Variants in LRMDA observed in about 807,000 individuals in gnomAD.
LRMDA encodes the protein leucine-rich melanocyte differentiation-associated protein.
LRMDA carries 18 observed loss-of-function variants against 29.8 expected under a neutral mutation model. The observed-to-expected ratio is 0.60, with a 90% CI of 0.42 to 0.90. The LOEUF is 0.90. Ranked by LOEUF, LRMDA falls within the 40% of genes least tolerant of loss-of-function variation. The probability of loss-of-function intolerance (pLI) is 0.00; values close to 1 mark genes in which losing one functional copy is unlikely to be tolerated. For missense variants in LRMDA, 273 were observed against 273.9 expected, an observed-to-expected ratio of 1.00 and a Z score of 0.02; for synonymous variants, 125 against 109.4, an observed-to-expected ratio of 1.14 and a Z score of -0.89.
chr10:76,284,719 C>T (rs1451227775), intron 5 of LRMDA, among the ~76,000 whole-genome samples: 2 of 152,110 alleles, frequency 1.3e-5, no homozygotes, highest in African/African-American at 2.4e-5. Flanking sequence ...CCATAATCCC[C>T]AGGTGTTGTG....
chr10:76,019,170 G>A (rs1321732659), intron 2 of LRMDA, among the ~76,000 whole-genome samples: 4 of 152,176 alleles, frequency 2.6e-5, no homozygotes, highest in Non-Finnish European at 5.9e-5. Context: ...TTTGTGGACA[G>A]CACAAATGCT....
chr10:75,632,831 G>A (rs1841343972), intron 2 of LRMDA, among the ~76,000 whole-genome samples: 1 of 111,610 alleles, frequency 9.0e-6, no homozygotes, highest in Admixed American at 1.3e-4. Flanking sequence ...TTCCCCCAGT[G>A]TTCAGAGCCA....
chr10:76,367,876 C>G (rs550636797), intron 6 of LRMDA, among the ~76,000 whole-genome samples: 2 of 151,982 alleles, frequency 1.3e-5, no homozygotes, highest in African/African-American at 4.8e-5. Context: ...GTAGGTTTTC[C>G]TTTATGTACA....
intron 6 of LRMDA, among the ~76,000 whole-genome samples, chr10:76,333,398 C>A (rs1483634663): frequency 6.6e-6 from 1 of 152,124 alleles, no homozygotes; most frequent in Non-Finnish European, 1.5e-5. Context: ...GTCTTAGAAG[C>A]CTTAGATTTC....
chr10:76,511,255 G>T (rs1843007049), intron 6 of LRMDA, among the ~76,000 whole-genome samples: 1 of 152,162 alleles, frequency 6.6e-6, no homozygotes, highest in African/African-American at 2.4e-5. Context: ...GGCACAAGTG[G>T]CTTTGGTTTC....
At chr10:76,320,428 A>G (rs560153350) in intron 5 of LRMDA, among the ~76,000 whole-genome samples, 44 of 152,248 alleles carry the variant, frequency 2.9e-4, no homozygotes, top group African/African-American at 1.0e-3. Flanking sequence ...TCTATTCTAG[A>G]GCTCACTCTC....
At chr10:76,380,436 G>A (rs1308487696) in intron 6 of LRMDA, among the ~76,000 whole-genome samples, 3 of 151,994 alleles carry the variant, frequency 2.0e-5, no homozygotes, top group East Asian at 3.9e-4. Context: ...TTGGGAGGCC[G>A]AGGCAGGCGG....
chr10:75,943,430 T>C (rs966481965), intron 2 of LRMDA, among the ~76,000 whole-genome samples: 12 of 152,166 alleles, frequency 7.9e-5, no homozygotes, highest in African/African-American at 2.2e-4. Flanking sequence ...ATCTAAAAGG[T>C]ACACAGCCAG....
chr10:76,111,822 A>G (rs1299233094), intron 5 of LRMDA, among the ~76,000 whole-genome samples: 1 of 151,578 alleles, frequency 6.6e-6, no homozygotes, highest in Non-Finnish European at 1.5e-5. Context: ...GGGGGGGCGC[A>G]TGGTGGGCTC....
intron 2 of LRMDA, among the ~76,000 whole-genome samples, chr10:75,602,508 A>G (rs1408954975): frequency 6.6e-6 from 1 of 152,166 alleles, no homozygotes; most frequent in Non-Finnish European, 1.5e-5. Context: ...CCCAAGGTCT[A>G]ATACGGAGTC....
At chr10:76,052,505 A>G (rs957471990) in intron 4 of LRMDA, among the ~76,000 whole-genome samples, 1 of 152,116 alleles carries the variant, frequency 6.6e-6, no homozygotes, top group African/African-American at 2.4e-5. Context: ...TCTCTCTCTC[A>G]GGTCTGGATG....
intron 5 of LRMDA, among the ~76,000 whole-genome samples, chr10:76,175,076 C>T (rs191055126): frequency 1.3e-5 from 2 of 152,102 alleles, no homozygotes; most frequent in East Asian, 1.9e-4. Flanking sequence ...GAGCCAAGAT[C>T]GCACCACTGC....
chr10:75,942,864 G>A lies in LRMDA; in HGVS notation c.132-93144G>A, dbSNP rs187685732. Among the ~76,000 whole-genome samples the A allele has an allele frequency of 2.8e-3, 425 of 152,174 alleles. 2 individuals are homozygous for A. Among genetic ancestry groups the A allele is most frequent in the African/African-American group, 9.0e-3 (374 of 41,526 alleles). On this transcript the variant is annotated intron_variant, in intron 2 of 6. Transcript: ENST00000611255. ...CTCTGTAACTATGTGTTCTGATTGC[G>A]GTTTTCAGTAGTCTTTTGTTTGAAG... is the stretch of plus-strand genomic sequence containing the variant.
At chr10:75,769,036 C>T (rs920728805) in intron 2 of LRMDA, among the ~76,000 whole-genome samples, 10 of 152,162 alleles carry the variant, frequency 6.6e-5, no homozygotes, top group Admixed American at 1.3e-4. Context: ...CCATCAGAGA[C>T]GGGCAAAGTG....
At position 75,750,508 on chromosome 10, in the gene LRMDA, C is replaced by G. The variant is rs552863782; in HGVS notation, c.132-285500C>G. ...CGGGGGGTGGGGGGCAGAGGGGGTC[C>G]TCACATCCCAGATGGGGCGGCGGGG... On this transcript the variant is annotated intron_variant, in intron 2 of 6. Transcript: ENST00000611255. 2.8e-5 allele frequency among the ~76,000 whole-genome samples: 4 copies of G among 142,792 alleles called. No individual in the cohort carries two copies. The South Asian group carries it at 9.2e-4, about 33-fold the overall frequency. 93.7% of individuals were successfully genotyped at this position (142,792 alleles called of 152,430 possible).
intron 4 of LRMDA, among the ~76,000 whole-genome samples, chr10:76,056,224 A>C (rs113960283): frequency 1.3e-5 from 2 of 152,190 alleles, no homozygotes; most frequent in Non-Finnish European, 2.9e-5. Context: ...TGTTCCATCA[A>C]CTGCCCAAGT....
intron 2 of LRMDA, among the ~76,000 whole-genome samples, chr10:75,604,943 G>A (rs555275689): frequency 6.6e-5 from 10 of 152,206 alleles, no homozygotes; most frequent in South Asian, 2.1e-4. Context: ...GAAGACCACC[G>A]CAGTCTGTGT....
intron 2 of LRMDA, among the ~76,000 whole-genome samples, chr10:75,871,521 T>C (rs1307925580): frequency 1.3e-5 from 2 of 152,124 alleles, no homozygotes; most frequent in African/African-American, 4.8e-5. Flanking sequence ...TCATGCCCAT[T>C]GCCAAGAGCA....
At chr10:75,623,420 A>T (rs982619846) in intron 2 of LRMDA, among the ~76,000 whole-genome samples, 1 of 152,074 alleles carries the variant, frequency 6.6e-6, no homozygotes, top group Non-Finnish European at 1.5e-5. Context: ...AAAGCCAAGA[A>T]TTTTTCCTAC....
Sources: gnomAD v4.1 joint callset for allele counts (sites outside exome capture counted in the v4.1 genomes callset) on GRCh38, gnomAD v4.1.1 for gene constraint, MANE v1.5 for transcripts, NCBI Gene and HGNC (gene_info 2026-07-23, HGNC 2026-07-21) for gene names.